Variants in LCK observed in about 807,000 individuals in gnomAD.
LCK encodes the protein tyrosine-protein kinase Lck.
Under a neutral mutation model 64.6 loss-of-function variants are expected in LCK, and 14 were observed. The ratio of observed to expected loss-of-function variants is 0.22; its 90% confidence interval spans 0.14 to 0.34. The LOEUF is 0.34. LCK is among the 10% of genes least tolerant of loss of function. LCK has a pLI of 1.00. For synonymous variants in LCK, 277 were observed against 263.6 expected (o/e 1.05, Z -0.49); for missense variants, 434 against 668.1 (o/e 0.65, Z 3.86).
intron 1 of LCK, among the ~76,000 whole-genome samples, chr1:32,271,164 CT>C (rs1264890936): frequency 1.3e-5 from 2 of 151,894 alleles, no homozygotes; most frequent in Non-Finnish European, 2.9e-5. Context: ...TCACACCTGG[CT>C]AATTTTTTGA....
At chr1:32,268,471 C>A (rs1473193526) in intron 1 of LCK, among the ~76,000 whole-genome samples, 2 of 151,304 alleles carry the variant, frequency 1.3e-5, no homozygotes, top group South Asian at 4.2e-4. Flanking sequence ...CACCACCATG[C>A]CCAGCTAGTT....
chr1:32,254,702 G>C (rs937034104), intron 1 of LCK, among the ~76,000 whole-genome samples: 1 of 151,426 alleles, frequency 6.6e-6, no homozygotes, highest in Admixed American at 6.6e-5. Context: ...AGTAGAGATG[G>C]GGTTTCTCCA....
In LCK at chr1:32,285,824, C is replaced by T. The variant is rs1640598052; in HGVS notation, c.*108C>T. On this transcript the variant is annotated 3_prime_UTR_variant, in exon 13 of 13. Coordinates refer to ENST00000336890, the MANE Select transcript of LCK (RefSeq NM_005356.5). Reference sequence around the variant, plus strand: ...GGCCTATGCACATATGGACTCTGCACATGAATCCCACCCACATGTGACACA... The same window carrying T: ...GGCCTATGCACATATGGACTCTGCATATGAATCCCACCCACATGTGACACA... 8.6e-7 allele frequency: 1 copy of T among 1,160,368 alleles called. No individual in the cohort carries two copies. The highest frequency in any genetic ancestry group is 1.2e-6 in the Non-Finnish European group (1 of 810,554). The allele number at this position is 1,160,368 out of a possible 1,614,324, so 71.9% of individuals were successfully genotyped here.
chr1:32,273,909 T>A (rs751056650), intron 1 of LCK, among the ~76,000 whole-genome samples: 3 of 152,004 alleles, frequency 2.0e-5, no homozygotes, highest in Non-Finnish European at 4.4e-5. Context: ...ACCTCTCCAG[T>A]AGGGGAGGGT....
chr1:32,260,728 C>G (rs768824585), intron 1 of LCK, among the ~76,000 whole-genome samples: 3 of 152,030 alleles, frequency 2.0e-5, no homozygotes, highest in African/African-American at 4.8e-5. Context: ...GCTCAGCGAT[C>G]CTCCTACCTT....
intron 1 of LCK, among the ~76,000 whole-genome samples, chr1:32,257,311 C>T (rs924992596): frequency 1.3e-5 from 2 of 151,452 alleles, no homozygotes; most frequent in African/African-American, 4.9e-5. Context: ...CGTAGTGGCC[C>T]AATCTTGGCT....
At position 32,275,686 on chromosome 1, in the gene LCK, GGT is replaced by G; in HGVS notation, c.481+15_481+16del. Reference sequence around the variant, plus strand: ...AGAGCACCGCGGGTGAGCGGGCGGCGGTCTCGACCGGGCGCGGGGGTGCCCCG... The same window carrying G: ...AGAGCACCGCGGGTGAGCGGGCGGCGCTCGACCGGGCGCGGGGGTGCCCCG... On this transcript the variant is annotated intron_variant, in intron 6 of 12. Transcript: ENST00000336890. The surrounding 1 kb of genome is among the most constrained non-coding windows in gnomAD (Gnocchi z 6.9). 1 of 1,550,690 alleles carries G rather than the reference GGT, an allele frequency of 6.4e-7. No individual in the cohort carries two copies. The highest frequency in any genetic ancestry group is 8.7e-7 in the Non-Finnish European group (1 of 1,149,076).
In LCK at chr1:32,276,752, G is replaced by A. The variant is rs1332427753; in HGVS notation, c.930G>A (p.Glu310=). 1.2e-6 allele frequency: 2 copies of A among 1,612,790 alleles called. No individual in the cohort carries two copies. Among genetic ancestry groups the A allele is most frequent in the East Asian group, 2.2e-5 (1 of 44,862 alleles). The change falls in exon 9 of 13, where the codon GAG becomes GAA. Residue 310 remains glutamate, a synonymous_variant. Transcript: ENST00000336890. This position sits in a 1 kb window ranked among gnomAD's most constrained non-coding sequence, Gnocchi z 4.6. ...GGCTCTACGCTGTGGTCACCCAGGA[G>A]CCCATCTACATCATCACTGAATACA... ...LVRLYAVVTQ[E]PIYIITEYME... is the part of the protein sequence containing the mutation.
At chr1:32,264,205 GAA>G (rs1639855593) in intron 1 of LCK, among the ~76,000 whole-genome samples, 1 of 152,138 alleles carries the variant, frequency 6.6e-6, no homozygotes, top group Admixed American at 6.5e-5. Context: ...GTCTTGAAGA[GAA>G]AAGCCTTTGT....
Position 32,272,623 on chromosome 1 carries a change from A to AAGAGAGAGAGAGAGAGAGAG in LCK, c.-5-1695_-5-1676dup, listed in dbSNP as rs145594259. On this transcript the variant is annotated intron_variant, in intron 1 of 12. Transcript: ENST00000336890. Reference sequence around the variant, plus strand: ...AGAGAGAAAGAGAGAGAGAGAGAGAAAGAGAGAGAGAGAGAGAGAGAGAGA... The same window carrying AAGAGAGAGAGAGAGAGAGAG: ...AGAGAGAAAGAGAGAGAGAGAGAGAAAGAGAGAGAGAGAGAGAGAGAGAGAGAGAGAGAGAGAGAGAGAGA... Among the ~76,000 whole-genome samples, 246 of 123,046 alleles carry AAGAGAGAGAGAGAGAGAGAG rather than the reference A, an allele frequency of 2.0e-3. 2 individuals are homozygous for AAGAGAGAGAGAGAGAGAGAG. The highest frequency in any genetic ancestry group is 3.4e-3 in the Non-Finnish European group (197 of 58,264). The allele number at this position is 123,046 out of a possible 152,430, so 80.7% of individuals were successfully genotyped here. A position where few individuals can be genotyped will look rare whatever the true frequency, so the allele number is the denominator to read the frequency against.
chr1:32,263,814 G>T (rs1639845059), intron 1 of LCK, among the ~76,000 whole-genome samples: 1 of 152,138 alleles, frequency 6.6e-6, no homozygotes, highest in African/African-American at 2.4e-5. Flanking sequence ...AGGAGGCTGA[G>T]GTAAGAGGAT....
chr1:32,262,868 GAA>G (rs539749343), intron 1 of LCK, among the ~76,000 whole-genome samples: 1,636 of 85,570 alleles, frequency 0.019, 29 homozygotes, highest in African/African-American at 0.058. Context: ...GAGGAAGGGA[GAA>G]AAAAAAAAAA....
chr1:32,266,979 G>A (rs1639943073), intron 1 of LCK, among the ~76,000 whole-genome samples: 1 of 150,312 alleles, frequency 6.7e-6, no homozygotes, highest in African/African-American at 2.5e-5. Flanking sequence ...ACTGGTCTAA[G>A]TCCACATTCC....
intron 1 of LCK, among the ~76,000 whole-genome samples, chr1:32,263,014 G>T (rs1448787003): frequency 6.6e-6 from 1 of 151,964 alleles, no homozygotes; most frequent in Non-Finnish European, 1.5e-5. Flanking sequence ...TCATAGATTC[G>T]AGGCTGCCTC....
At position 32,275,793 on chromosome 1, in the gene LCK, G is replaced by A. The variant is rs1640247876; in HGVS notation, c.481+121G>A. 3 of 1,423,016 alleles carry A rather than the reference G, an allele frequency of 2.1e-6. No homozygotes were observed. The highest frequency in any genetic ancestry group is 1.3e-5 in the South Asian group (1 of 77,568). The allele number at this position is 1,423,016 out of a possible 1,614,324, so 88.1% of individuals were successfully genotyped here. On this transcript the variant is annotated intron_variant, in intron 6 of 12. Coordinates refer to ENST00000336890, the MANE Select transcript of LCK (RefSeq NM_005356.5). This position sits in a 1 kb window ranked among gnomAD's most constrained non-coding sequence, Gnocchi z 6.9. ...TCGGAGGGGGACGCGGGATGAGCCC[G>A]AGGTGGGGGCGCGGGATGACCCGGA... is the stretch of plus-strand genomic sequence containing the variant.
At chr1:32,266,635 C>T (rs1218810007) in intron 1 of LCK, among the ~76,000 whole-genome samples, 1 of 143,284 alleles carries the variant, frequency 7.0e-6, no homozygotes, top group African/African-American at 2.6e-5. Flanking sequence ...TCCTTCACCT[C>T]CTCCTCCTCT....
chr1:32,280,850 A>G (rs902286512), intron 12 of LCK, among the ~76,000 whole-genome samples: 1 of 152,174 alleles, frequency 6.6e-6, no homozygotes, highest in Non-Finnish European at 1.5e-5. Flanking sequence ...CAGATCTGCC[A>G]CTGTTGCTAA....
intron 1 of LCK, among the ~76,000 whole-genome samples, chr1:32,258,616 T>TCTACTAAAAAACACGTC (rs1639686371): frequency 6.7e-6 from 1 of 149,624 alleles, no homozygotes; most frequent in East Asian, 2.0e-4. Flanking sequence ...TAAAATTAGT[T>TCTACTAAAAAACACGTC]TCTACTAAAA....
At chr1:32,256,191 T>A (rs1007446654) in intron 1 of LCK, among the ~76,000 whole-genome samples, 5 of 151,846 alleles carry the variant, frequency 3.3e-5, no homozygotes, top group Non-Finnish European at 7.4e-5. Context: ...CAGGCTGGAG[T>A]GCAGTGGCAC....
Sources: allele counts gnomAD v4.1 joint callset (sites outside exome capture counted in the v4.1 genomes callset), GRCh38; gene constraint gnomAD v4.1.1; non-coding constraint Gnocchi (gnomAD v3.1); transcripts MANE v1.5; gene names NCBI Gene and HGNC (gene_info 2026-07-23, HGNC 2026-07-21).